The following NRF1 variants were observed in gnomAD, a reference collection of about 807,000 sequenced individuals.
The protein encoded by NRF1 is nuclear respiratory factor 1.
Under a neutral mutation model 58.5 loss-of-function variants are expected in NRF1, and 5 were observed. The ratio of observed to expected loss-of-function variants is 0.09; its 90% CI spans 0.04 to 0.18. The LOEUF is 0.18. NRF1 is among the 10% of genes least tolerant of loss of function. NRF1 has a pLI of 1.00. For missense variants in NRF1, 288 were observed against 657.7 expected (o/e 0.44, Z 6.15); for synonymous variants, 224 against 246.7 (o/e 0.91, Z 0.86).
At chr7:129,679,467 A>T (rs1210045884) in intron 4 of NRF1, among the ~76,000 whole-genome samples, 1 of 152,256 alleles carries the variant, frequency 6.6e-6, no homozygotes, top group Non-Finnish European at 1.5e-5. Flanking sequence ...TATATAAAGA[A>T]TTCTTACAAC....
intron 3 of NRF1, among the ~76,000 whole-genome samples, chr7:129,677,277 G>A (rs1802204320): frequency 6.6e-6 from 1 of 152,126 alleles, no homozygotes; most frequent in Admixed American, 6.6e-5. Flanking sequence ...GCCTCCCAAA[G>A]TGCTGGGATT....
At chr7:129,695,131 AGG>A (rs1802657873) in intron 5 of NRF1, among the ~76,000 whole-genome samples, 1 of 152,176 alleles carries the variant, frequency 6.6e-6, no homozygotes, top group Admixed American at 6.5e-5. Context: ...CTGTAATTTG[AGG>A]AGTTTAGGGC....
chr7:129,621,565 A>G (rs1341826863), intron 1 of NRF1, among the ~76,000 whole-genome samples: 1 of 152,184 alleles, frequency 6.6e-6, no homozygotes, highest in Non-Finnish European at 1.5e-5. Context: ...AATAGCCCAC[A>G]AATCAAAGAA....
At chr7:129,644,798 A>G (rs2151069485) in intron 1 of NRF1, among the ~76,000 whole-genome samples, 1 of 152,222 alleles carries the variant, frequency 6.6e-6, no homozygotes. Flanking sequence ...CTGTCTTTAC[A>G]TTTTTTCCTT....
At chr7:129,657,610 T>G (rs1296815056) in intron 2 of NRF1, 36 bp downstream of exon 2, 1 of 1,236,982 alleles carries the variant, frequency 8.1e-7, no homozygotes, top group Non-Finnish European at 1.1e-6. Flanking sequence ...TTCTTTAATT[T>G]TTTTTTTTTT....
At chr7:129,705,701 A>G (rs1324466224) in intron 5 of NRF1, among the ~76,000 whole-genome samples, 1 of 152,172 alleles carries the variant, frequency 6.6e-6, no homozygotes, top group Non-Finnish European at 1.5e-5. Flanking sequence ...GGATTGCTTC[A>G]GTCCAGGAGT....
chr7:129,674,322 C>T (rs1802125564), intron 3 of NRF1, among the ~76,000 whole-genome samples: 1 of 151,592 alleles, frequency 6.6e-6, no homozygotes. Context: ...CAATAAGTCA[C>T]AGAAATTTTT....
intron 1 of NRF1, among the ~76,000 whole-genome samples, 189 bp downstream of exon 1, chr7:129,612,013 C>A (rs1205872778): frequency 6.7e-6 from 1 of 149,476 alleles, no homozygotes; most frequent in Admixed American, 6.6e-5. Context: ...AAACCGCCAC[C>A]CCGAGGATGC....
In NRF1 at chr7:129,703,204, G is replaced by A. The variant is rs7804785; in HGVS notation, c.607-5871G>A. On this transcript the variant is annotated intron_variant, in intron 5 of 10. Coordinates refer to ENST00000393232, the MANE Select transcript of NRF1 (RefSeq NM_005011.5). ...GTATTTTCTATTCTTTGCTGATTTG[G>A]TGTGGCTGTACTGACCAAGCTAGAG... Among the ~76,000 whole-genome samples the A allele has an allele frequency of 8.9e-3, 1,360 of 152,052 alleles. 22 individuals carry two copies. The highest frequency in any genetic ancestry group is 0.031 in the African/African-American group (1,290 of 41,468).
At chr7:129,736,037 A>G (rs892829935) in intron 10 of NRF1, among the ~76,000 whole-genome samples, 1 of 152,104 alleles carries the variant, frequency 6.6e-6, no homozygotes, top group African/African-American at 2.4e-5. Flanking sequence ...AAATAAAAAA[A>G]TAAAATTATA....
intron 1 of NRF1, among the ~76,000 whole-genome samples, chr7:129,649,973 G>A (rs1005818968): frequency 2.0e-5 from 3 of 151,816 alleles, no homozygotes; most frequent in Admixed American, 6.6e-5. Flanking sequence ...GGCTTGTCTC[G>A]AACTCCTGGA....
intron 9 of NRF1, among the ~76,000 whole-genome samples, chr7:129,726,181 C>T (rs1017954006): frequency 6.6e-6 from 1 of 152,204 alleles, no homozygotes; most frequent in African/African-American, 2.4e-5. Context: ...TATTCTGTGC[C>T]TACTGGAATT....
At chr7:129,710,778 C>T (rs945727708) in intron 7 of NRF1, among the ~76,000 whole-genome samples, 1 of 152,014 alleles carries the variant, frequency 6.6e-6, no homozygotes, top group Admixed American at 6.6e-5. Flanking sequence ...GCTTCCTGGA[C>T]ATTTCCAAAA....
At chr7:129,616,235 T>G (rs1800656976) in intron 1 of NRF1, among the ~76,000 whole-genome samples, 1 of 152,202 alleles carries the variant, frequency 6.6e-6, no homozygotes, top group Non-Finnish European at 1.5e-5. Context: ...AAGTAAACTT[T>G]CTATGACCCA....
chr7:129,696,060 TAA>T (rs11434445), intron 5 of NRF1, among the ~76,000 whole-genome samples: 1 of 53,388 alleles, frequency 1.9e-5, no homozygotes, highest in South Asian at 8.0e-4. Context: ...CCGTCTCTAC[TAA>T]AAAAAAAAAA....
intron 1 of NRF1, among the ~76,000 whole-genome samples, chr7:129,624,430 A>G (rs1043311055): frequency 6.6e-6 from 1 of 152,186 alleles, no homozygotes; most frequent in Non-Finnish European, 1.5e-5. Flanking sequence ...GGCGAAACTC[A>G]TTTGTAATAT....
chr7:129,654,760 G>T (rs1291850464), intron 1 of NRF1, among the ~76,000 whole-genome samples: 1 of 152,158 alleles, frequency 6.6e-6, no homozygotes, highest in Non-Finnish European at 1.5e-5. Flanking sequence ...TCAGAGATCA[G>T]CTGGCTCTAT....
chr7:129,673,106 C>G (rs2151084077), intron 3 of NRF1, among the ~76,000 whole-genome samples: 1 of 152,256 alleles, frequency 6.6e-6, no homozygotes, highest in East Asian at 1.9e-4. Flanking sequence ...GATCAGCTAT[C>G]AAATGCTGCT....
At chr7:129,692,568 T>G (rs897452773) in intron 5 of NRF1, among the ~76,000 whole-genome samples, 2 of 152,128 alleles carry the variant, frequency 1.3e-5, no homozygotes, top group African/African-American at 4.8e-5. Flanking sequence ...AATGAGTGAA[T>G]AATGAATGAA....
Sources: allele counts gnomAD v4.1 joint callset (sites outside exome capture counted in the v4.1 genomes callset), GRCh38; gene constraint gnomAD v4.1.1; transcripts MANE v1.5; gene names NCBI Gene and HGNC (gene_info 2026-07-23, HGNC 2026-07-21).